Variants in PMFBP1 observed in about 807,000 individuals in gnomAD.
PMFBP1 encodes polyamine-modulated factor 1-binding protein 1.
PMFBP1 carries 131 observed loss-of-function variants against 137.8 expected under a neutral mutation model. That is an observed-to-expected ratio of 0.95 (90% CI 0.82 to 1.10). PMFBP1 has a LOEUF of 1.10. Among genes scored for constraint, PMFBP1 ranks in the 50% least tolerant of loss-of-function variants. PMFBP1 has a pLI of 0.00. For synonymous variants in PMFBP1, 490 were observed against 450.4 expected, an observed-to-expected ratio of 1.09 and a Z score of -1.11; for missense variants, 1,199 against 1,175.4, an observed-to-expected ratio of 1.02 and a Z score of -0.29.
At chr16:72,119,389 C>T (rs199921562) in intron 20 of PMFBP1, 35 bp from the exon 21 acceptor site, 12 of 1,613,974 alleles carry the variant, frequency 7.4e-6, no homozygotes, top group South Asian at 1.1e-5. Flanking sequence ...AGTTTTGATT[C>T]GAGGAGAAAT....
chr16:72,154,540 G>C, intron 3 of PMFBP1, 81 bp from the exon 4 acceptor site: 1 of 1,460,264 alleles, frequency 6.8e-7, no homozygotes, highest in African/African-American at 1.4e-5. Context: ...TTTTTCATTT[G>C]TTCAGTCATT....
chr16:72,241,420 T>G, the PMFBP1 span, among the ~76,000 whole-genome samples: 1 of 152,194 alleles, frequency 6.6e-6, no homozygotes, highest in African/African-American at 2.4e-5. Flanking sequence ...CCCTACTATT[T>G]AATATAATGC....
the PMFBP1 span, among the ~76,000 whole-genome samples, chr16:72,189,946 C>A: frequency 6.6e-6 from 1 of 152,038 alleles, no homozygotes; most frequent in African/African-American, 2.4e-5. Flanking sequence ...GGGTGAGTGT[C>A]ATGGGACTGG....
the PMFBP1 span, among the ~76,000 whole-genome samples, chr16:72,228,687 CCTCT>C: frequency 6.6e-6 from 1 of 152,084 alleles, no homozygotes; most frequent in Non-Finnish European, 1.5e-5. Context: ...ATTTGGGGTG[CCTCT>C]CTATTTCTTT....
At chr16:72,146,779 T>C (rs1021558592) in intron 5 of PMFBP1, among the ~76,000 whole-genome samples, 1 of 152,164 alleles carries the variant, frequency 6.6e-6, no homozygotes, top group Non-Finnish European at 1.5e-5. Flanking sequence ...TCACAATTGC[T>C]ATAAAGAGAA....
At chr16:72,173,699 T>C (rs1408528161), upstream of PMFBP1, among the ~76,000 whole-genome samples, 1 of 152,222 alleles carries the variant, frequency 6.6e-6, no homozygotes, top group Non-Finnish European at 1.5e-5. Flanking sequence ...CAGTAATGTT[T>C]GCCAGATGGA....
chr16:72,198,482 C>T, the PMFBP1 span, among the ~76,000 whole-genome samples: 11 of 152,156 alleles, frequency 7.2e-5, no homozygotes, highest in Admixed American at 4.6e-4. Flanking sequence ...GCTTCCCTCT[C>T]CCTGCTGGAT....
At chr16:72,199,176 C>T in the PMFBP1 span, among the ~76,000 whole-genome samples, 1 of 152,174 alleles carries the variant, frequency 6.6e-6, no homozygotes, top group Non-Finnish European at 1.5e-5. Context: ...GTCAGCAGTC[C>T]GCCTGTGTTC....
At chr16:72,244,235 C>G in the PMFBP1 span, among the ~76,000 whole-genome samples, 1 of 151,830 alleles carries the variant, frequency 6.6e-6, no homozygotes, top group Non-Finnish European at 1.5e-5. Flanking sequence ...AAACCCTGCA[C>G]AGATATTTTA....
At chr16:72,215,696 TG>T in the PMFBP1 span, among the ~76,000 whole-genome samples, 1 of 152,188 alleles carries the variant, frequency 6.6e-6, no homozygotes. Flanking sequence ...TGAAACATGT[TG>T]GCTAATTAAG....
rs2042510901 is a variant in PMFBP1 at position 72,129,217 on chromosome 16, G to A, written c.1799C>T (p.Ser600Phe). ...RIKHQHREQG[S>F]IKCKLEEDLQ... ...ATCTTCTTCTAACTTGCATTTGATG[G>A]AGCCTTGCTCCCTGTGCTGAAAAAA... The change falls in exon 13 of 21, where the codon TCC (serine) becomes TTC (phenylalanine). Residue 600 changes from serine (S) to phenylalanine (F), a missense_variant. By Grantham distance (155) the Ser-to-Phe change is radical. Transcript: ENST00000237353. 1.2e-6 allele frequency: 2 copies of A among 1,612,648 alleles called. No individual in the cohort carries two copies. The highest frequency in any genetic ancestry group is 1.7e-5 in the Admixed American group (1 of 60,000).
chr16:72,168,982 T>C (rs2043183675), intron 2 of PMFBP1, among the ~76,000 whole-genome samples: 1 of 152,190 alleles, frequency 6.6e-6, no homozygotes, highest in Non-Finnish European at 1.5e-5. Flanking sequence ...TCAAGCTTCT[T>C]CTTGGGGGAA....
chr16:72,152,844 C>CAAAAAAA (rs34108768), intron 4 of PMFBP1, among the ~76,000 whole-genome samples: 1 of 65,054 alleles, frequency 1.5e-5, no homozygotes, highest in Non-Finnish European at 2.8e-5. Flanking sequence ...GACTTCGTCT[C>CAAAAAAA]AAAAAAAAAA....
upstream of PMFBP1, among the ~76,000 whole-genome samples, chr16:72,175,944 C>T (rs2043258019): frequency 6.6e-6 from 1 of 152,162 alleles, no homozygotes; most frequent in Non-Finnish European, 1.5e-5. Context: ...TGTGCAGAGG[C>T]TTGGTGTGCA....
chr16:72,168,344 T>C (rs2043175298), intron 2 of PMFBP1, among the ~76,000 whole-genome samples: 1 of 152,326 alleles, frequency 6.6e-6, no homozygotes, highest in Admixed American at 6.5e-5. Context: ...AAAGGCTGTG[T>C]TCACCTCAGA....
At chr16:72,157,206 A>T (rs372429321) in intron 3 of PMFBP1, among the ~76,000 whole-genome samples, 49 of 149,486 alleles carry the variant, frequency 3.3e-4, no homozygotes, top group Middle Eastern at 3.5e-3. Flanking sequence ...AAAAAAAAAA[A>T]AAAAACCAGA....
the PMFBP1 span, among the ~76,000 whole-genome samples, chr16:72,237,955 T>C: frequency 2.0e-5 from 3 of 152,240 alleles, no homozygotes; most frequent in Admixed American, 1.3e-4. Flanking sequence ...GCTCCATCCA[T>C]GCTCCTGCAA....
intron 18 of PMFBP1, 136 bp from the exon 19 acceptor site, chr16:72,123,124 C>T (rs756230797): frequency 5.1e-5 from 38 of 750,464 alleles, no homozygotes; most frequent in Admixed American, 2.3e-4. Context: ...TCACCCCGTC[C>T]GCAGAGCTAA....
the PMFBP1 span, among the ~76,000 whole-genome samples, chr16:72,219,279 A>G: frequency 6.6e-6 from 1 of 152,160 alleles, no homozygotes; most frequent in Non-Finnish European, 1.5e-5. Context: ...CTTGTATTAG[A>G]AAGACAGTGC....
Sources: gnomAD v4.1 joint callset for allele counts (sites outside exome capture counted in the v4.1 genomes callset) on GRCh38, gnomAD v4.1.1 for gene constraint, MANE v1.5 for transcripts, NCBI Gene and HGNC (gene_info 2026-07-23, HGNC 2026-07-21) for gene names.